Variants in ERAP1 observed in about 807,000 individuals in gnomAD.
The protein encoded by ERAP1 is endoplasmic reticulum aminopeptidase 1.
A neutral mutation model predicts 103.7 loss-of-function variants in ERAP1; 86 were observed. That is an observed-to-expected ratio of 0.83 (90% CI 0.70 to 0.99). The LOEUF is 0.99. Among genes scored for constraint, ERAP1 ranks in the 50% least tolerant of loss-of-function variants. The probability of loss-of-function intolerance (pLI) is 0.00; values close to 1 mark genes in which losing one functional copy is unlikely to be tolerated. For synonymous variants in ERAP1, 398 were observed against 402.4 expected (o/e 0.99, Z 0.13); for missense variants, 1,009 against 1,128.4 (o/e 0.89, Z 1.52).
chr5:96,914,607 C>G, the ERAP1 span, among the ~76,000 whole-genome samples: 1 of 152,234 alleles, frequency 6.6e-6, no homozygotes, highest in Non-Finnish European at 1.5e-5. Context: ...CCCTGCCCAA[C>G]CATGTGCAGA....
chr5:96,785,848 TG>T lies in ERAP1; in HGVS notation c.1882del (p.His628ThrfsTer37). 1 of 1,614,200 alleles carries T rather than the reference TG, an allele frequency of 6.2e-7. No individual in the cohort carries two copies. The highest frequency in any genetic ancestry group is 8.5e-7 in the Non-Finnish European group (1 of 1,180,038). Reference protein sequence around the residue: ...DSLTGLLKGTHTAVSSNDRAS... With the variant: ...DSLTGLLKGTXTAVSSNDRAS... Reference sequence around the variant, plus strand: ...CCGATCATTACTGCTGACTGCTGTGTGTGTTCCTTTTAAAAGGCCAGTCAAA... The same window carrying T: ...CCGATCATTACTGCTGACTGCTGTGTTGTTCCTTTTAAAAGGCCAGTCAAA... On this transcript the variant is annotated frameshift_variant, in exon 13 of 19. Transcript: ENST00000443439. LOFTEE classifies it high-confidence loss of function.
chr5:96,770,956 G>GA (rs1004743228), downstream of ERAP1, among the ~76,000 whole-genome samples: 5 of 152,092 alleles, frequency 3.3e-5, no homozygotes, highest in African/African-American at 4.8e-5. Context: ...GCTGTGATGA[G>GA]AAATGAAAAT....
At chr5:96,855,755 G>A in the ERAP1 span, among the ~76,000 whole-genome samples, 1 of 152,194 alleles carries the variant, frequency 6.6e-6, no homozygotes, top group Non-Finnish European at 1.5e-5. Context: ...TGATTTCACA[G>A]TCAAGAGTGA....
the ERAP1 span, among the ~76,000 whole-genome samples, chr5:96,877,377 CTT>C: frequency 6.6e-6 from 1 of 152,202 alleles, no homozygotes; most frequent in African/African-American, 2.4e-5. Flanking sequence ...TCTCTCTACT[CTT>C]ATCAATCAAG....
the ERAP1 span, among the ~76,000 whole-genome samples, chr5:96,820,352 C>T: frequency 2.6e-5 from 4 of 151,868 alleles, no homozygotes; most frequent in Admixed American, 6.6e-5. Flanking sequence ...GTGCTTGGAA[C>T]GTCAATACTG....
the ERAP1 span, among the ~76,000 whole-genome samples, chr5:96,855,275 T>C: frequency 6.6e-6 from 1 of 152,182 alleles, no homozygotes; most frequent in South Asian, 2.1e-4. Context: ...GTAACCCTTA[T>C]TTCCTATTAA....
At chr5:96,855,673 G>A in the ERAP1 span, among the ~76,000 whole-genome samples, 7,421 of 152,262 alleles carry the variant, frequency 0.049, 220 homozygotes, top group South Asian at 0.11. Flanking sequence ...CAATTGCAGC[G>A]GAACTTTGGC....
the ERAP1 span, chr5:96,903,225 C>A: frequency 3.5e-6 from 2 of 568,542 alleles, no homozygotes; most frequent in Non-Finnish European, 6.0e-6. Context: ...AGAAATCATC[C>A]AGTGAACTAC....
At chr5:96,852,371 C>T in the ERAP1 span, among the ~76,000 whole-genome samples, 1 of 152,134 alleles carries the variant, frequency 6.6e-6, no homozygotes, top group East Asian at 1.9e-4. Context: ...CCAGGTAGTA[C>T]AGAAACCCTG....
the ERAP1 span, among the ~76,000 whole-genome samples, chr5:96,889,660 T>A: frequency 6.6e-6 from 1 of 152,146 alleles, no homozygotes; most frequent in Admixed American, 6.6e-5. Context: ...GTGACTGCTC[T>A]GTTCAAAATA....
At chr5:96,786,028 T>C in intron 12 of ERAP1, 57 bp from the exon 13 acceptor site, 2 of 1,541,634 alleles carry the variant, frequency 1.3e-6, no homozygotes, top group Non-Finnish European at 1.8e-6. Flanking sequence ...AAGAAAGCTT[T>C]TCTCATCCAA....
intron 2 of ERAP1, among the ~76,000 whole-genome samples, chr5:96,802,415 A>G (rs932372292): frequency 2.6e-5 from 4 of 152,126 alleles, no homozygotes; most frequent in Non-Finnish European, 5.9e-5. Context: ...ATATCCAGAA[A>G]GAAGTCTGGC....
chr5:96,864,968 G>C, the ERAP1 span, among the ~76,000 whole-genome samples: 25 of 152,252 alleles, frequency 1.6e-4, no homozygotes, highest in Non-Finnish European at 3.4e-4. Flanking sequence ...AAATTGAGCA[G>C]AGAGCTAAAA....
chr5:96,768,854 G>A (rs2150761724), intron 19 of ERAP1: 1 of 158,058 alleles, frequency 6.3e-6, no homozygotes, highest in South Asian at 1.9e-4. Context: ...CAAAGTTAGA[G>A]GCCTCTCTTC....
At chr5:96,806,101 C>G (rs1413203880) in intron 1 of ERAP1, 1 of 152,138 alleles carries the variant, frequency 6.6e-6, no homozygotes, top group Non-Finnish European at 1.5e-5. Context: ...CTTATTAATC[C>G]CAAACTGTAG....
At chr5:96,901,370 C>G in the ERAP1 span, 1 of 940,660 alleles carries the variant, frequency 1.1e-6, no homozygotes, top group Non-Finnish European at 1.6e-6. Flanking sequence ...CCTGGATTAC[C>G]CTTCCCTGAG....
chr5:96,812,882 A>G (rs765928460), upstream of ERAP1, among the ~76,000 whole-genome samples: 2 of 152,218 alleles, frequency 1.3e-5, no homozygotes, highest in Non-Finnish European at 2.9e-5. Flanking sequence ...GGTTCTAGGA[A>G]TGCTTGCAAT....
the ERAP1 span, among the ~76,000 whole-genome samples, chr5:96,843,622 T>C: frequency 6.6e-6 from 1 of 152,164 alleles, no homozygotes; most frequent in African/African-American, 2.4e-5. Context: ...GGCCTTAGGT[T>C]CCCTGCCTCA....
the ERAP1 span, among the ~76,000 whole-genome samples, chr5:96,877,464 C>T: frequency 6.6e-6 from 1 of 152,134 alleles, no homozygotes; most frequent in Non-Finnish European, 1.5e-5. Flanking sequence ...CAAGTTATAA[C>T]CTCAATAATA....
Sources: gnomAD v4.1 joint callset for allele counts (sites outside exome capture counted in the v4.1 genomes callset) on GRCh38, gnomAD v4.1.1 for gene constraint, MANE v1.5 for transcripts, NCBI Gene and HGNC (gene_info 2026-07-23, HGNC 2026-07-21) for gene names.